The following DPY19L2 variants were observed in gnomAD, a reference collection of about 807,000 sequenced individuals.
DPY19L2 encodes the protein probable C-mannosyltransferase DPY19L2.
In DPY19L2, 34 loss-of-function variants were observed where a neutral mutation model predicts 97.9. The observed-to-expected ratio is 0.35, with a 90% CI of 0.26 to 0.46. DPY19L2 has a LOEUF of 0.46. DPY19L2 is among the 20% of genes least tolerant of loss of function. DPY19L2 has a pLI of 1.00. For missense variants in DPY19L2, 623 were observed against 911.4 expected (o/e 0.68, Z 4.07); for synonymous variants, 230 against 307.9 (o/e 0.75, Z 2.65).
chr12:63,588,745 CT>C (rs913709153), intron 16 of DPY19L2, among the ~76,000 whole-genome samples: 3,912 of 129,858 alleles, frequency 0.03, 20 homozygotes, highest in African/African-American at 0.052. Context: ...AGGAAACTTT[CT>C]TTTTTTTTTT....
At chr12:63,562,200 C>A (rs1466989167) in intron 21 of DPY19L2, among the ~76,000 whole-genome samples, 1 of 152,138 alleles carries the variant, frequency 6.6e-6, no homozygotes, top group Non-Finnish European at 1.5e-5. Flanking sequence ...TGTAAAACAG[C>A]AGCCACAATA....
chr12:63,633,892 G>A (rs1407026945), intron 6 of DPY19L2, among the ~76,000 whole-genome samples: 1 of 152,152 alleles, frequency 6.6e-6, no homozygotes, highest in Non-Finnish European at 1.5e-5. Context: ...CATAAAAAAT[G>A]ATGAGTTCAC....
chr12:63,605,893 A>G (rs1372793086), intron 12 of DPY19L2, among the ~76,000 whole-genome samples: 14 of 152,136 alleles, frequency 9.2e-5, no homozygotes, highest in African/African-American at 3.4e-4. Context: ...GAATCTGAAC[A>G]TCAACTGGGG....
intron 21 of DPY19L2, 76 bp from the exon 22 acceptor site, chr12:63,560,738 A>C (rs1295514904): frequency 6.6e-7 from 1 of 1,513,242 alleles, no homozygotes; most frequent in Non-Finnish European, 8.9e-7. Context: ...TAACATCTAG[A>C]TTTTCAGAGA....
intron 11 of DPY19L2, among the ~76,000 whole-genome samples, chr12:63,612,101 T>C (rs1289163363): frequency 6.6e-6 from 1 of 151,844 alleles, no homozygotes; most frequent in South Asian, 2.1e-4. Flanking sequence ...AAGAAAAAAA[T>C]GCAAACAACA....
chr12:63,624,807 G>C (rs1296672336), intron 7 of DPY19L2, among the ~76,000 whole-genome samples: 1 of 152,074 alleles, frequency 6.6e-6, no homozygotes, highest in Non-Finnish European at 1.5e-5. Context: ...TGAAATTCTA[G>C]AAAGAATGTG....
At position 63,559,867 on chromosome 12, in the gene DPY19L2, A is replaced by G. The variant is rs1876150633; in HGVS notation, c.*645T>C. 6.6e-6 allele frequency: 1 copy of G among 152,124 alleles called. No individual in the cohort carries two copies. The highest frequency in any genetic ancestry group is 1.5e-5 in the Non-Finnish European group (1 of 67,996). The allele number at this position is 152,124 out of a possible 1,614,324, so 9.4% of individuals were successfully genotyped here. ...TAGATGGAGAACTAACCAGTGGCAA[A>G]TATGTATCTAGTGGGGTAAACACAT... On this transcript the variant is annotated 3_prime_UTR_variant, in exon 22 of 22. Transcript: ENST00000324472.
At chr12:63,630,142 G>A (rs1268119334) in intron 6 of DPY19L2, among the ~76,000 whole-genome samples, 1 of 152,134 alleles carries the variant, frequency 6.6e-6, no homozygotes, top group East Asian at 1.9e-4. Flanking sequence ...TCAAAGCTAG[G>A]AAGAAACTGC....
At chr12:63,588,907 C>T (rs1284103115) in intron 16 of DPY19L2, among the ~76,000 whole-genome samples, 1 of 151,824 alleles carries the variant, frequency 6.6e-6, no homozygotes, top group African/African-American at 2.4e-5. Context: ...GCGCCCACCA[C>T]GATGCCCAGC....
At chr12:63,564,129 T>C (rs1877176909) in intron 21 of DPY19L2, among the ~76,000 whole-genome samples, 1 of 152,140 alleles carries the variant, frequency 6.6e-6, no homozygotes, top group Admixed American at 6.5e-5. Context: ...ATTTCTGTCT[T>C]CAATCTTTTA....
At chr12:63,667,421 T>C (rs1228554232) in intron 1 of DPY19L2, among the ~76,000 whole-genome samples, 2 of 152,086 alleles carry the variant, frequency 1.3e-5, no homozygotes, top group African/African-American at 4.8e-5. Context: ...AAAAATGATA[T>C]GGTGTAACGA....
intron 4 of DPY19L2, among the ~76,000 whole-genome samples, chr12:63,658,842 A>C (rs571651831): frequency 2.3e-4 from 35 of 152,344 alleles, no homozygotes; most frequent in South Asian, 8.3e-4. Context: ...TAGAAAATGC[A>C]AACTAAACCA....
In DPY19L2 at chr12:63,667,993, T is replaced by G. The variant is rs1896528560; in HGVS notation, c.337+64A>C. Reference sequence around the variant, plus strand: ...CAAACCCTTGCTTGTTAAACTGATCTCCTTCAAGACTCAAGAAAAGCGCCA... The same window carrying G: ...CAAACCCTTGCTTGTTAAACTGATCGCCTTCAAGACTCAAGAAAAGCGCCA... On this transcript the variant is annotated intron_variant, in intron 1 of 21. Coordinates refer to ENST00000324472, the MANE Select transcript of DPY19L2 (RefSeq NM_173812.5). The G allele has an allele frequency of 3.3e-6, 5 of 1,530,118 alleles. No individual in the cohort carries two copies. In the Admixed American group the frequency reaches 1.0e-4, roughly 32 times the overall value. The allele number at this position is 1,530,118 out of a possible 1,614,324, so 94.8% of individuals were successfully genotyped here. A position where few individuals can be genotyped will look rare whatever the true frequency, so the allele number is the denominator to read the frequency against.
Position 63,620,017 on chromosome 12 carries a change from A to G in DPY19L2, c.1053+1221T>C, listed in dbSNP as rs765127823. On this transcript the variant is annotated intron_variant, in intron 9 of 21. Transcript: ENST00000324472. ...ATGCAGCACCAATTGAGCTGGGGTT[A>G]TAATTTCATTCTTTGTAGGCTATTG... is the stretch of plus-strand genomic sequence containing the variant. 1.8e-5 allele frequency: 8 copies of G among 454,924 alleles called. 1 individual carries two copies. The highest frequency in any genetic ancestry group is 1.2e-4 in the South Asian group (8 of 64,146). 28.2% of individuals were successfully genotyped at this position (454,924 alleles called of 1,614,324 possible).
intron 4 of DPY19L2, chr12:63,651,627 A>G (rs1371584172): frequency 8.2e-6 from 3 of 365,716 alleles, no homozygotes; most frequent in South Asian, 5.6e-5. Context: ...CAGCTCCAAC[A>G]TGGCAAAAAT....
At chr12:63,605,816 T>C (rs776652002) in intron 12 of DPY19L2, among the ~76,000 whole-genome samples, 1 of 152,210 alleles carries the variant, frequency 6.6e-6, no homozygotes, top group Non-Finnish European at 1.5e-5. Context: ...TTTTCTCATA[T>C]AGATAGACTA....
rs1444661196 is a variant in DPY19L2, at chr12:63,559,960, A to C, written c.*552T>G. 1 of 152,218 alleles carries C rather than the reference A, an allele frequency of 6.6e-6. No homozygotes were observed. Among genetic ancestry groups the C allele is most frequent in the Non-Finnish European group, 1.5e-5 (1 of 68,040 alleles). The allele number at this position is 152,218 out of a possible 1,614,324, so 9.4% of individuals were successfully genotyped here. On this transcript the variant is annotated 3_prime_UTR_variant, in exon 22 of 22. Coordinates refer to ENST00000324472, the MANE Select transcript of DPY19L2 (RefSeq NM_173812.5). Reference sequence around the variant, plus strand: ...ACACTTCAACTTGAAATTATTAAAAAAAAGTATTAAAAGGTATTAGAGATC... The same window carrying C: ...ACACTTCAACTTGAAATTATTAAAACAAAGTATTAAAAGGTATTAGAGATC...
chr12:63,638,682 C>T (rs942130837), intron 6 of DPY19L2, among the ~76,000 whole-genome samples: 1 of 152,094 alleles, frequency 6.6e-6, no homozygotes, highest in Admixed American at 6.5e-5. Flanking sequence ...AACCACAAAC[C>T]ACTGCTCAAC....
At chr12:63,585,647 C>G (rs1441895754) in intron 16 of DPY19L2, among the ~76,000 whole-genome samples, 1 of 151,872 alleles carries the variant, frequency 6.6e-6, no homozygotes, top group South Asian at 2.1e-4. Flanking sequence ...TTATAATCAC[C>G]AAGAACCCTG....
Sources: gnomAD v4.1 joint callset for allele counts (sites outside exome capture counted in the v4.1 genomes callset) on GRCh38, gnomAD v4.1.1 for gene constraint, MANE v1.5 for transcripts, NCBI Gene and HGNC (gene_info 2026-07-23, HGNC 2026-07-21) for gene names.